The following CASD1 variants were observed in gnomAD, a reference collection of about 807,000 sequenced individuals.
The protein encoded by CASD1 is N-acetylneuraminate (7)9-O-acetyltransferase.
CASD1 carries 41 observed loss-of-function variants against 100.0 expected under a neutral mutation model. The observed-to-expected ratio is 0.41, with a 90% CI of 0.32 to 0.53. The LOEUF is 0.53. CASD1 is among the 20% of genes least tolerant of loss of function. The pLI, the probability that CASD1 is intolerant of heterozygous loss-of-function variation, is 0.25. For missense variants in CASD1, 774 were observed against 948.7 expected, an observed-to-expected ratio of 0.82 and a Z score of 2.42; for synonymous variants, 321 against 315.6, an observed-to-expected ratio of 1.02 and a Z score of -0.18.
At chr7:94,591,147 T>C in the CASD1 span, among the ~76,000 whole-genome samples, 6 of 152,362 alleles carry the variant, frequency 3.9e-5, no homozygotes, top group South Asian at 1.2e-3. Flanking sequence ...TTTCACACAA[T>C]GTATTTATAT....
chr7:94,577,704 T>A, the CASD1 span, among the ~76,000 whole-genome samples: 1 of 152,216 alleles, frequency 6.6e-6, no homozygotes, highest in Non-Finnish European at 1.5e-5. Context: ...CTTTGGTTAA[T>A]CAATTGTTTG....
chr7:94,592,653 TAATA>T, the CASD1 span, among the ~76,000 whole-genome samples: 4 of 152,164 alleles, frequency 2.6e-5, no homozygotes, highest in African/African-American at 7.2e-5. Context: ...ACTTGCAAAT[TAATA>T]AATAAGTGAG....
intron 10 of CASD1, among the ~76,000 whole-genome samples, chr7:94,541,619 C>T (rs1373177395): frequency 8.1e-6 from 1 of 123,542 alleles, no homozygotes; most frequent in Non-Finnish European, 1.6e-5. Flanking sequence ...AATGAAAGGT[C>T]ATGAGAATAT....
At position 94,556,544 on chromosome 7, in the gene CASD1, A is replaced by G. The variant is rs1432215634; in HGVS notation, c.*786A>G. On this transcript the variant is annotated 3_prime_UTR_variant, in exon 18 of 18. Coordinates refer to ENST00000297273, the MANE Select transcript of CASD1 (RefSeq NM_022900.5). Reference sequence around the variant, plus strand: ...GTAATACCAGTTACCCTGTGGATCCATTTAATATGTTATCCCCACTAATTA... The same window carrying G: ...GTAATACCAGTTACCCTGTGGATCCGTTTAATATGTTATCCCCACTAATTA... The G allele has an allele frequency of 6.6e-6, 1 of 152,038 alleles. No individual in the cohort carries two copies. The highest frequency in any genetic ancestry group is 2.4e-5 in the African/African-American group (1 of 41,442). The allele number at this position is 152,038 out of a possible 1,614,324, so 9.4% of individuals were successfully genotyped here. A position where few individuals can be genotyped will look rare whatever the true frequency, so the allele number is the denominator to read the frequency against.
chr7:94,619,289 C>T, the CASD1 span: 6 of 192,518 alleles, frequency 3.1e-5, no homozygotes, highest in Non-Finnish European at 5.3e-5. Context: ...GGGGAGCATG[C>T]TAAAATATTA....
the CASD1 span, among the ~76,000 whole-genome samples, chr7:94,614,107 CAA>C: frequency 1.2e-4 from 11 of 94,962 alleles, no homozygotes; most frequent in African/African-American, 3.9e-4. Context: ...AAATTGAAAT[CAA>C]AAAAAAAAAA....
chr7:94,588,240 T>G, the CASD1 span: 1 of 1,042,368 alleles, frequency 9.6e-7, no homozygotes, highest in Non-Finnish European at 1.2e-6. Context: ...TAAAGCGGCT[T>G]TAAAACCAGG....
chr7:94,535,362 A>T lies in CASD1; in HGVS notation c.682A>T (p.Lys228Ter). The T allele has an allele frequency of 6.2e-7, 1 of 1,613,598 alleles. No individual in the cohort carries two copies. Among genetic ancestry groups the T allele is most frequent in the Non-Finnish European group, 8.5e-7 (1 of 1,179,706 alleles). Residue 228 changes from lysine to a stop codon, truncating the protein, a stop_gained, in exon 8 of 18, where the codon AAG becomes TAG. Transcript: ENST00000297273. LOFTEE classifies it high-confidence loss of function. ...SENRKMITNE[K>*]IDAYNEAAVS... Reference sequence around the variant, plus strand: ...AAATAGGAAGATGATCACTAATGAGAAGATAGATGCTTACAATGAAGCTGC... The same window carrying T: ...AAATAGGAAGATGATCACTAATGAGTAGATAGATGCTTACAATGAAGCTGC...
chr7:94,521,546 T>A (rs1387008917), intron 3 of CASD1, among the ~76,000 whole-genome samples: 1 of 152,092 alleles, frequency 6.6e-6, no homozygotes, highest in Non-Finnish European at 1.5e-5. Context: ...ACAGTGAAAC[T>A]TCAAGAATAA....
the CASD1 span, chr7:94,585,437 AATGTG>A: frequency 3.4e-6 from 5 of 1,490,814 alleles, no homozygotes; most frequent in East Asian, 1.1e-4. Flanking sequence ...AGAGAAAAGA[AATGTG>A]ATGTAACTGC....
At chr7:94,530,769 A>G (rs1794813970) in intron 5 of CASD1, among the ~76,000 whole-genome samples, 1 of 152,118 alleles carries the variant, frequency 6.6e-6, no homozygotes, top group Admixed American at 6.6e-5. Flanking sequence ...TAGGCAGAGA[A>G]TTTAGAGATT....
chr7:94,607,214 T>C, the CASD1 span, among the ~76,000 whole-genome samples: 1 of 152,162 alleles, frequency 6.6e-6, no homozygotes, highest in East Asian at 1.9e-4. Context: ...TGAATTCTAC[T>C]AGACATTTAA....
the CASD1 span, chr7:94,603,178 C>A: frequency 1.3e-6 from 1 of 772,444 alleles, no homozygotes; most frequent in Non-Finnish European, 2.2e-6. Context: ...AAGTCAACTG[C>A]AGTTAAAGTA....
chr7:94,555,584 C>T lies in CASD1; in HGVS notation c.2220C>T (p.Val740=). The T allele has an allele frequency of 6.2e-7, 1 of 1,613,560 alleles. No individual in the cohort carries two copies. The highest frequency in any genetic ancestry group is 8.5e-7 in the Non-Finnish European group (1 of 1,179,676). ...IPGNPMLNII[V]STFIFVCVAH... ...GAAACCCTATGCTCAACATCATTGT[C>T]AGCACTTTCATATTTGTTTGTGTGG... The change falls in exon 18 of 18, where the codon GTC becomes GTT. Residue 740 remains valine (V), a synonymous_variant. Transcript: ENST00000297273.
At chr7:94,519,167 G>A (rs931768986) in intron 3 of CASD1, among the ~76,000 whole-genome samples, 3 of 151,972 alleles carry the variant, frequency 2.0e-5, no homozygotes, top group African/African-American at 7.2e-5. Context: ...ATATAACTTT[G>A]AAAACTAACA....
At chr7:94,587,613 A>C in the CASD1 span, 21 of 1,394,028 alleles carry the variant, frequency 1.5e-5, no homozygotes, top group Admixed American at 3.9e-5. Context: ...TTGTTCCTTC[A>C]TCAATCTCCT....
chr7:94,526,865 C>T (rs1418031341), intron 3 of CASD1, among the ~76,000 whole-genome samples: 2 of 152,084 alleles, frequency 1.3e-5, no homozygotes, highest in Admixed American at 1.3e-4. Flanking sequence ...GCAATCTTGG[C>T]AAAAAGGTAA....
chr7:94,612,997 C>T, the CASD1 span, among the ~76,000 whole-genome samples: 1 of 152,226 alleles, frequency 6.6e-6, no homozygotes, highest in African/African-American at 2.4e-5. Context: ...GTCACCATCA[C>T]CTTCCACAGG....
chr7:94,623,554 AG>A, the CASD1 span: 1 of 610,050 alleles, frequency 1.6e-6, no homozygotes. Context: ...GAGAACTCAG[AG>A]CTTTTAGCAA....
Sources: allele counts gnomAD v4.1 joint callset (sites outside exome capture counted in the v4.1 genomes callset), GRCh38; gene constraint gnomAD v4.1.1; transcripts MANE v1.5; gene names NCBI Gene and HGNC (gene_info 2026-07-23, HGNC 2026-07-21).